Variants in MAN2A1 observed in about 807,000 individuals in gnomAD.
The protein encoded by MAN2A1 is alpha-mannosidase 2.
MAN2A1 carries 76 observed loss-of-function variants against 142.6 expected under a neutral mutation model. That is an observed-to-expected ratio of 0.53 (90% CI 0.44 to 0.65). MAN2A1 has a LOEUF of 0.65. Ranked by LOEUF, MAN2A1 falls within the 30% of genes least tolerant of loss-of-function variation. The pLI, the probability that MAN2A1 is intolerant of heterozygous loss-of-function variation, is 0.00. For synonymous variants in MAN2A1, 559 were observed against 473.2 expected (o/e 1.18, Z -2.35); for missense variants, 1,311 against 1,365.1 (o/e 0.96, Z 0.62).
intron 13 of MAN2A1, among the ~76,000 whole-genome samples, chr5:109,818,222 CCT>C (rs1425137691): frequency 6.6e-6 from 1 of 152,092 alleles, no homozygotes; most frequent in African/African-American, 2.4e-5. Context: ...CGCACCGCAA[CCT>C]CTGTCTCCCG....
At position 109,868,513 on chromosome 5, in the gene MAN2A1, C is replaced by G. The variant is rs904203783; in HGVS notation, c.*1515C>G. ...CTTTCAACCTCCATTTACCTCTTGTCATTCCAACATCTTTATAGAGAAATA... is the reference window on the plus strand; with the variant it reads ...CTTTCAACCTCCATTTACCTCTTGTGATTCCAACATCTTTATAGAGAAATA... On this transcript the variant is annotated 3_prime_UTR_variant, in exon 22 of 22. Coordinates refer to ENST00000261483, the MANE Select transcript of MAN2A1 (RefSeq NM_002372.4). 1.3e-5 allele frequency: 2 copies of G among 152,132 alleles called. No homozygotes were observed. The highest frequency in any genetic ancestry group is 2.9e-5 in the Non-Finnish European group (2 of 68,006). The allele number at this position is 152,132 out of a possible 1,614,324, so 9.4% of individuals were successfully genotyped here.
intron 12 of MAN2A1, among the ~76,000 whole-genome samples, chr5:109,798,708 G>T (rs1202505915): frequency 6.6e-6 from 1 of 152,122 alleles, no homozygotes; most frequent in Non-Finnish European, 1.5e-5. Flanking sequence ...TTGAGATGGA[G>T]TATCGCTCTG....
At chr5:109,760,074 G>A (rs1485003039) in intron 5 of MAN2A1, among the ~76,000 whole-genome samples, 1 of 151,988 alleles carries the variant, frequency 6.6e-6, no homozygotes, top group Admixed American at 6.6e-5. Context: ...TGCCATAGTG[G>A]TTTGCTGCAC....
At chr5:109,802,963 T>C (rs1754070466) in intron 12 of MAN2A1, among the ~76,000 whole-genome samples, 1 of 152,052 alleles carries the variant, frequency 6.6e-6, no homozygotes, top group Admixed American at 6.5e-5. Flanking sequence ...AAATATATAT[T>C]TTTACTGTCA....
At chr5:109,726,971 G>A (rs1032568671) in intron 3 of MAN2A1, among the ~76,000 whole-genome samples, 4 of 152,124 alleles carry the variant, frequency 2.6e-5, no homozygotes, top group Admixed American at 1.3e-4. Context: ...CTTGTTGCAC[G>A]TGTATAATAA....
chr5:109,836,946 A>G (rs886738227), intron 16 of MAN2A1, among the ~76,000 whole-genome samples: 5 of 151,918 alleles, frequency 3.3e-5, no homozygotes, highest in Non-Finnish European at 5.9e-5. Context: ...CAAATGCTAC[A>G]TTTAGCTTTT....
intron 5 of MAN2A1, among the ~76,000 whole-genome samples, chr5:109,761,756 G>A (rs1464256800): frequency 6.6e-6 from 1 of 151,746 alleles, no homozygotes; most frequent in Non-Finnish European, 1.5e-5. Flanking sequence ...ATAATTTATT[G>A]CTCAGATCCT....
chr5:109,805,094 G>A (rs1364215946), intron 12 of MAN2A1, among the ~76,000 whole-genome samples: 2 of 152,106 alleles, frequency 1.3e-5, no homozygotes, highest in African/African-American at 2.4e-5. Flanking sequence ...GAATTGACAA[G>A]GAAATAGAAC....
At chr5:109,794,339 G>C (rs145765756) in intron 12 of MAN2A1, 4 of 152,258 alleles carry the variant, frequency 2.6e-5, no homozygotes, top group Non-Finnish European at 5.9e-5. Context: ...TCCAGGAACT[G>C]TCCTTAATAG....
intron 3 of MAN2A1, 98 bp downstream of exon 3, chr5:109,716,362 G>T (rs1751452983): frequency 2.2e-6 from 2 of 915,868 alleles, no homozygotes; most frequent in South Asian, 3.8e-5. Context: ...TCAAATTTTT[G>T]AGACATTATT....
intron 4 of MAN2A1, among the ~76,000 whole-genome samples, chr5:109,734,737 A>G (rs1213842357): frequency 1.3e-5 from 2 of 152,126 alleles, no homozygotes; most frequent in Non-Finnish European, 2.9e-5. Flanking sequence ...TCTGAGAGAC[A>G]GTTTGTTATA....
rs139313081 is a variant in MAN2A1, at chr5:109,694,779, A to G, written c.135+4227A>G. ...AATGAAAGTTGACTCATGGCAATAC[A>G]TATAACTAGGACTTTGATTCCCCAG... On this transcript the variant is annotated intron_variant, in intron 1 of 21. Transcript: ENST00000261483. Among the ~76,000 whole-genome samples, 383 of 152,288 alleles carry G rather than the reference A, an allele frequency of 2.5e-3. 2 individuals carry two copies. The highest frequency in any genetic ancestry group is 8.8e-3 in the African/African-American group (367 of 41,550).
At chr5:109,865,347 C>T (rs920490020) in intron 21 of MAN2A1, 2 of 554,194 alleles carry the variant, frequency 3.6e-6, no homozygotes, top group African/African-American at 3.8e-5. Context: ...CATCAAAAGG[C>T]ATAGCTGGAA....
rs368387317 is a variant in MAN2A1, at chr5:109,716,242, G to A, written c.513G>A (p.Val171=). Residue 171 remains valine, a synonymous_variant, in exon 3 of 22, where the codon GTG becomes GTA. Transcript: ENST00000261483. ...WDTEPLQVFV[V]PHSHNDPGWL... ...CTGAACCCCTTCAAGTCTTTGTGGT[G>A]CCTCATTCCCATAACGACCCAGGTA... is the stretch of plus-strand genomic sequence containing the variant. The A allele has an allele frequency of 7.5e-6, 12 of 1,601,262 alleles. No homozygotes were observed. In the Admixed American group the frequency reaches 1.0e-4, roughly 14 times the overall value.
chr5:109,788,548 A>C (rs1359082018), intron 10 of MAN2A1, among the ~76,000 whole-genome samples: 2 of 151,884 alleles, frequency 1.3e-5, no homozygotes, highest in Admixed American at 6.6e-5. Flanking sequence ...TCATGTTTTT[A>C]TTCATTGTTA....
intron 1 of MAN2A1, among the ~76,000 whole-genome samples, chr5:109,691,841 A>G (rs560701926): frequency 6.6e-6 from 1 of 152,328 alleles, no homozygotes; most frequent in Non-Finnish European, 1.5e-5. Context: ...GCATCTTTAA[A>G]TCTTGAGCTC....
chr5:109,858,546 T>C (rs1755680840), intron 20 of MAN2A1, among the ~76,000 whole-genome samples: 1 of 152,220 alleles, frequency 6.6e-6, no homozygotes, highest in South Asian at 2.1e-4. Flanking sequence ...TGTGCAATAA[T>C]GGGCTGTTCA....
chr5:109,848,392 C>T (rs1189512306), intron 19 of MAN2A1, among the ~76,000 whole-genome samples: 3 of 152,160 alleles, frequency 2.0e-5, no homozygotes, highest in South Asian at 2.1e-4. Flanking sequence ...GATCCACCCA[C>T]CTTGGATAGC....
intron 4 of MAN2A1, among the ~76,000 whole-genome samples, chr5:109,730,680 G>A (rs571970584): frequency 9.2e-5 from 14 of 152,120 alleles, no homozygotes; most frequent in Non-Finnish European, 1.5e-4. Context: ...AGCGCTTACT[G>A]TATTAGTCCC....
Sources: gnomAD v4.1 joint callset for allele counts (sites outside exome capture counted in the v4.1 genomes callset) on GRCh38, gnomAD v4.1.1 for gene constraint, MANE v1.5 for transcripts, NCBI Gene and HGNC (gene_info 2026-07-23, HGNC 2026-07-21) for gene names.